TTC39B: variants seen among roughly 807,000 people sequenced by gnomAD.
The protein encoded by TTC39B is tetratricopeptide repeat domain 39B, also known as tetratricopeptide repeat protein 39B.
A neutral mutation model predicts 96.6 loss-of-function variants in TTC39B; 92 were observed. That is an observed-to-expected ratio of 0.95 (90% CI 0.80 to 1.13). The LOEUF (loss-of-function observed/expected upper bound fraction) is 1.13, where lower values mean the gene tolerates loss of function less well. TTC39B is among the 50% of genes most tolerant of loss of function. TTC39B has a pLI of 0.00. For synonymous variants in TTC39B, 367 were observed against 299.4 expected (o/e 1.23, Z -2.33); for missense variants, 955 against 809.3 (o/e 1.18, Z -2.18).
chr9:15,293,797 C>G (rs1297879926), intron 1 of TTC39B, among the ~76,000 whole-genome samples: 1 of 152,228 alleles, frequency 6.6e-6, no homozygotes, highest in Non-Finnish European at 1.5e-5. Flanking sequence ...TGTAAACAGA[C>G]CTTACCTACA....
chr9:15,217,879 C>T (rs2131374265), intron 3 of TTC39B, among the ~76,000 whole-genome samples: 1 of 152,216 alleles, frequency 6.6e-6, no homozygotes, highest in Non-Finnish European at 1.5e-5. Flanking sequence ...CCATACCTGT[C>T]CAACCAGACC....
intron 2 of TTC39B, among the ~76,000 whole-genome samples, chr9:15,226,496 G>T (rs963754518): frequency 6.6e-6 from 1 of 152,096 alleles, no homozygotes; most frequent in Non-Finnish European, 1.5e-5. Context: ...ATGATAATTT[G>T]TTACCTGTCC....
At chr9:15,171,077 T>C (rs1341113954) in exon 20 of TTC39B, 2 of 152,226 alleles carry the variant, frequency 1.3e-5, no homozygotes, top group African/African-American at 4.8e-5. Context: ...TTCTGCTCTA[T>C]GCCCTGATTC....
At chr9:15,217,108 G>C (rs1473017254) in intron 3 of TTC39B, among the ~76,000 whole-genome samples, 1 of 152,190 alleles carries the variant, frequency 6.6e-6, no homozygotes, top group Non-Finnish European at 1.5e-5. Flanking sequence ...CAGAGAATGA[G>C]AGAAAATGAG....
chr9:15,195,569 C>G (rs1293319262), intron 8 of TTC39B, among the ~76,000 whole-genome samples: 1 of 148,646 alleles, frequency 6.7e-6, no homozygotes, highest in Non-Finnish European at 1.5e-5. Context: ...ACTCGGGAGG[C>G]TGAGGCAGGA....
intron 2 of TTC39B, among the ~76,000 whole-genome samples, chr9:15,244,281 T>C (rs1325519659): frequency 2.0e-5 from 3 of 152,252 alleles, no homozygotes; most frequent in Non-Finnish European, 2.9e-5. Flanking sequence ...CTATGAATTA[T>C]CCTCTCTTAC....
chr9:15,198,941 G>A (rs565336834), intron 8 of TTC39B, among the ~76,000 whole-genome samples: 1 of 152,264 alleles, frequency 6.6e-6, no homozygotes, highest in Non-Finnish European at 1.5e-5. Flanking sequence ...TATCACCAAA[G>A]TTAAATAGAG....
At position 15,306,499 on chromosome 9, in the gene TTC39B, C is replaced by A. The variant is rs1418665333; in HGVS notation, c.240+585G>T. 6.6e-6 allele frequency among the ~76,000 whole-genome samples: 1 copy of A among 152,234 alleles called. No homozygotes were observed. Among genetic ancestry groups the A allele is most frequent in the Non-Finnish European group, 1.5e-5 (1 of 68,036 alleles). ...TGGAGGGAGAGGGAAGCACCACAGC[C>A]TGGGCTGCGGCTCTAGCCCTCCAGC... On this transcript the variant is annotated intron_variant, in intron 1 of 19. Transcript: ENST00000512701. This position sits in a 1 kb window ranked among gnomAD's most constrained non-coding sequence, Gnocchi z 5.1.
At chr9:15,253,055 G>C (rs542846967) in intron 2 of TTC39B, among the ~76,000 whole-genome samples, 1 of 152,290 alleles carries the variant, frequency 6.6e-6, no homozygotes, top group South Asian at 2.1e-4. Flanking sequence ...CAGGCTTCAT[G>C]CATACATACA....
intron 8 of TTC39B, among the ~76,000 whole-genome samples, chr9:15,197,533 G>T (rs889885450): frequency 6.6e-6 from 1 of 152,064 alleles, no homozygotes; most frequent in East Asian, 1.9e-4. Flanking sequence ...ATTACAAATT[G>T]TGGAAAAATC....
At chr9:15,185,338 T>C in exon 16 of TTC39B, 1 of 1,613,898 alleles carries the variant, frequency 6.2e-7, no homozygotes, top group South Asian at 1.1e-5. Flanking sequence ...ACGCCGAGCC[T>C]TCCTCACAGC....
rs1219018380 is a variant in TTC39B, at chr9:15,306,629, C to T, written c.240+455G>A. On this transcript the variant is annotated intron_variant, in intron 1 of 19. Coordinates refer to ENST00000512701, the Ensembl canonical transcript of TTC39B. The surrounding 1 kb of genome is among the most constrained non-coding windows in gnomAD (Gnocchi z 5.1). Reference sequence around the variant, plus strand: ...ATCAATCGTAAGCCTTTCGGTTCTGCCACCAGGAAACTTCCATAGAAGGTG... The same window carrying T: ...ATCAATCGTAAGCCTTTCGGTTCTGTCACCAGGAAACTTCCATAGAAGGTG... 6.6e-6 allele frequency among the ~76,000 whole-genome samples: 1 copy of T among 152,224 alleles called. No individual in the cohort carries two copies. The highest frequency in any genetic ancestry group is 2.4e-5 in the African/African-American group (1 of 41,462).
At chr9:15,195,595 G>C (rs1168905176) in intron 8 of TTC39B, among the ~76,000 whole-genome samples, 1 of 151,076 alleles carries the variant, frequency 6.6e-6, no homozygotes, top group Admixed American at 6.6e-5. Context: ...ACTTGAACCT[G>C]GGAGACGCAG....
chr9:15,179,913 C>T (rs1818157581), intron 17 of TTC39B, among the ~76,000 whole-genome samples: 1 of 152,156 alleles, frequency 6.6e-6, no homozygotes, highest in Non-Finnish European at 1.5e-5. Flanking sequence ...CCTTAGATGG[C>T]AAAATCATTA....
In TTC39B at chr9:15,267,869, A is replaced by C. The variant is rs773530806; in HGVS notation, c.275+45T>G. On this transcript the variant is annotated intron_variant, in intron 2 of 19. Transcript: ENST00000512701. The stretch of plus-strand genomic sequence containing the variant: ...TATTTACTTTTTATGTAAGACAACC[A>C]TCAATTTTTCCTTACTACATACTTT... 1.1e-5 allele frequency: 16 copies of C among 1,523,382 alleles called. No individual in the cohort carries two copies. In the South Asian group the frequency reaches 1.8e-4, roughly 17 times the overall value. 94.4% of individuals were successfully genotyped at this position (1,523,382 alleles called of 1,614,324 possible). A position where few individuals can be genotyped will look rare whatever the true frequency, so the allele number is the denominator to read the frequency against.
At chr9:15,224,431 G>C (rs1387628411) in intron 3 of TTC39B, 1 of 152,274 alleles carries the variant, frequency 6.6e-6, no homozygotes, top group African/African-American at 2.4e-5. Flanking sequence ...AACGGTCACT[G>C]TCTCAGCCAT....
At position 15,276,539 on chromosome 9, in the gene TTC39B, G is replaced by C. The variant is rs111820918; in HGVS notation, c.241-8591C>G. The stretch of plus-strand genomic sequence containing the variant: ...ACAAGCACAAAATACTCCTGGATGT[G>C]TCCACATAGTCACAATACAAAGTCC... On this transcript the variant is annotated intron_variant, in intron 1 of 19. Transcript: ENST00000512701. Among the ~76,000 whole-genome samples the C allele has an allele frequency of 7.8e-3, 1,194 of 152,292 alleles. 16 individuals carry two copies. The highest frequency in any genetic ancestry group is 0.027 in the African/African-American group (1,137 of 41,538).
intron 1 of TTC39B, among the ~76,000 whole-genome samples, chr9:15,304,996 C>T (rs904850204): frequency 6.6e-6 from 1 of 152,194 alleles, no homozygotes; most frequent in Non-Finnish European, 1.5e-5. Context: ...AAATAATGGC[C>T]ATTAAAAACT....
intron 2 of TTC39B, among the ~76,000 whole-genome samples, chr9:15,260,776 G>A (rs1041169696): frequency 6.6e-6 from 1 of 151,922 alleles, no homozygotes; most frequent in Non-Finnish European, 1.5e-5. Context: ...GCCAAGAAGC[G>A]ATCAAAATAT....
Sources: allele counts gnomAD v4.1 joint callset (sites outside exome capture counted in the v4.1 genomes callset), GRCh38; gene constraint gnomAD v4.1.1; non-coding constraint Gnocchi (gnomAD v3.1); transcripts MANE v1.5; gene names NCBI Gene and HGNC (gene_info 2026-07-23, HGNC 2026-07-21).